KEL: variants seen among roughly 807,000 people sequenced by gnomAD.
The protein encoded by KEL is kell blood group glycoprotein.
KEL carries 96 observed loss-of-function variants against 99.5 expected under a neutral mutation model. The observed-to-expected ratio is 0.97, with a 90% confidence interval of 0.82 to 1.14. The LOEUF is 1.14. Among genes scored for constraint, KEL ranks in the 50% most tolerant of loss-of-function variants. The pLI is 0.00. For missense variants in KEL, 926 were observed against 924.2 expected (o/e 1.00, Z -0.03); for synonymous variants, 355 against 354.8 (o/e 1.00, Z -0.01).
intron 6 of KEL, among the ~76,000 whole-genome samples, chr7:142,954,767 C>T (rs964403860): frequency 1.3e-5 from 2 of 152,080 alleles, no homozygotes; most frequent in Non-Finnish European, 2.9e-5. Context: ...GTGTGCCCAG[C>T]AAGGCAGAAG....
At chr7:142,946,178 G>C (rs1253459650) in intron 11 of KEL, 29 bp downstream of exon 11, 1 of 1,470,472 alleles carries the variant, frequency 6.8e-7, no homozygotes. Flanking sequence ...GGGGTGGAGG[G>C]ATGTGGGCTG....
rs1385399665 is a variant in KEL at position 142,944,658 on chromosome 7, G to A, written c.1398C>T (p.Asn466=). The A allele has an allele frequency of 6.2e-7, 1 of 1,613,836 alleles. No homozygotes were observed. The highest frequency in any genetic ancestry group is 1.1e-5 in the South Asian group (1 of 91,072). ...CTGGCCTGACCTTGTCCTGGGCCAT[G>A]TTCTGGGTCTCCTCATTCATCCAGG... ...NLPWMNEETQ[N]MAQDKVAQLQ... Residue 466 remains asparagine, a synonymous_variant, in exon 12 of 19, where the codon AAC becomes AAT. Transcript: ENST00000355265.
chr7:142,945,060 A>C (rs1218284285), intron 11 of KEL: 2 of 450,476 alleles, frequency 4.4e-6, no homozygotes, highest in Non-Finnish European at 8.2e-6. Context: ...CACCTCTCAG[A>C]AATCAGAGGG....
intron 2 of KEL, 102 bp downstream of exon 2, chr7:142,961,693 G>A: frequency 1.5e-6 from 2 of 1,296,444 alleles, no homozygotes; most frequent in Non-Finnish European, 2.2e-6. Context: ...ACTGTTTTGG[G>A]TGAGGATGAA....
chr7:142,954,605 C>T, intron 6 of KEL, 78 bp from the exon 7 acceptor site: 2 of 1,247,884 alleles, frequency 1.6e-6, no homozygotes, highest in Admixed American at 1.7e-5. Context: ...GGGGAATATA[C>T]CATGGGAGAT....
chr7:142,959,439 CAAGAAGGAAAAGACAGGGAAGAAAGG>C (rs1300590309), intron 4 of KEL, among the ~76,000 whole-genome samples: 1 of 151,462 alleles, frequency 6.6e-6, no homozygotes, highest in East Asian at 1.9e-4. Context: ...GGGAAGAAAC[CAAGAAGGAAAAGACAGGGAAGAAAGG>C]AGAAAGGTAG....
chr7:142,941,400 T>C lies in KEL; in HGVS notation c.2051A>G (p.Lys684Arg), dbSNP rs770370408. The change falls in exon 19 of 19, where the codon AAG becomes AGG. Residue 684 changes from lysine to arginine, a missense_variant. Coordinates refer to ENST00000355265, the MANE Select transcript of KEL (RefSeq NM_000420.3). ...GTCGTGAGAGTCCTGGGGGCTGGGC[T>C]TCCTACACATCACCTGAGCAGGAAG... ...FRSYAQVMCR[K>R]PSPQDSHDTH... is the part of the protein sequence containing the mutation. The C allele has an allele frequency of 1.9e-6, 3 of 1,600,998 alleles. No homozygotes were observed. The highest frequency in any genetic ancestry group is 2.6e-6 in the Non-Finnish European group (3 of 1,171,090).
intron 10 of KEL, 186 bp from the exon 11 acceptor site, chr7:142,946,503 C>G: frequency 1.6e-6 from 1 of 626,524 alleles, no homozygotes; most frequent in Admixed American, 2.5e-5. Flanking sequence ...ACAGCTTCCT[C>G]AGAGCTGGTC....
intron 11 of KEL, 186 bp from the exon 12 acceptor site, chr7:142,944,927 A>C: frequency 1.6e-6 from 1 of 642,588 alleles, no homozygotes; most frequent in South Asian, 1.8e-5. Flanking sequence ...GGCAGTGCCA[A>C]GCCCACAAAG....
At chr7:142,943,759 C>A (rs767539436) in intron 14 of KEL, 24 bp downstream of exon 14, 6 of 1,598,870 alleles carry the variant, frequency 3.8e-6, no homozygotes, top group Non-Finnish European at 1.7e-6. Context: ...GGATGGAGTG[C>A]CTGTGTCTCC....
chr7:142,952,406 C>T, intron 10 of KEL, 103 bp downstream of exon 10: 27 of 1,437,610 alleles, frequency 1.9e-5, no homozygotes, highest in Non-Finnish European at 2.5e-5. Context: ...GGGCATCTAC[C>T]ATCACGGCCC....
rs1796965910 is a variant in KEL at position 142,961,799 on chromosome 7, T to A, written c.77A>T (p.Gln26Leu). ...QAGGMGTLWS[Q>L]ESTPEERLPV... ...CCAGGAGAGGAGGCCACTTACCTCT[T>A]GGCTCCAGAGAGTTCCCATTCCACC... Residue 26 changes from glutamine to leucine, a missense_variant, in exon 2 of 19, where the codon CAA (glutamine) becomes CTA (leucine). Physicochemically the swap from Gln to Leu is moderately radical, Grantham distance 113 (BLOSUM62 -2). Coordinates refer to ENST00000355265, the MANE Select transcript of KEL (RefSeq NM_000420.3). 4 of 1,613,744 alleles carry A rather than the reference T, an allele frequency of 2.5e-6. No homozygotes were observed. In the South Asian group the frequency reaches 4.4e-5, roughly 18 times the overall value.
At chr7:142,942,203 T>G (rs963625641) in intron 18 of KEL, 1 of 581,598 alleles carries the variant, frequency 1.7e-6, no homozygotes, top group African/African-American at 1.9e-5. Context: ...AATAGAGTTT[T>G]TTCTACCTTT....
rs867523165 is a variant in KEL at position 142,962,280 on chromosome 7, G to A, written c.-74C>T. The A allele has an allele frequency of 1.3e-6, 2 of 1,550,582 alleles. No individual in the cohort carries two copies. Among genetic ancestry groups the A allele is most frequent in the Non-Finnish European group, 1.8e-6 (2 of 1,122,278 alleles). On this transcript the variant is annotated 5_prime_UTR_variant, in exon 1 of 19. Coordinates refer to ENST00000355265, the MANE Select transcript of KEL (RefSeq NM_000420.3). Reference sequence around the variant, plus strand: ...GCTGATTCGGAGGACTGGGGTCCAGGAAACACCCCCCGCCCCAGTTCCTTG... The same window carrying A: ...GCTGATTCGGAGGACTGGGGTCCAGAAAACACCCCCCGCCCCAGTTCCTTG...
In KEL at chr7:142,941,221, T is replaced by C; in HGVS notation, c.*31A>G. 1 of 1,612,804 alleles carries C rather than the reference T, an allele frequency of 6.2e-7. No individual in the cohort carries two copies. The highest frequency in any genetic ancestry group is 8.5e-7 in the Non-Finnish European group (1 of 1,178,828). On this transcript the variant is annotated 3_prime_UTR_variant, in exon 19 of 19. Coordinates refer to ENST00000355265, the MANE Select transcript of KEL (RefSeq NM_000420.3). ...GTGACCAGGGAGGTGTTGGTCGATA[T>C]TTCTGTGCTGTGGCATCTTTGGTAA...
Position 142,961,807 on chromosome 7 carries a change from G to A in KEL, c.69C>T (p.Leu23=). Residue 23 remains leucine, a synonymous_variant, in exon 2 of 19, where the codon CTC becomes CTT. Transcript: ENST00000355265. ...GGAGGCCACTTACCTCTTGGCTCCA[G>A]AGAGTTCCCATTCCACCTGCCTGGC... ...ERSQAGGMGT[L]WSQESTPEER... 6.2e-7 allele frequency: 1 copy of A among 1,614,010 alleles called. No individual in the cohort carries two copies. The highest frequency in any genetic ancestry group is 8.5e-7 in the Non-Finnish European group (1 of 1,179,914).
chr7:142,941,496 G>T, intron 18 of KEL, 83 bp from the exon 19 acceptor site: 1 of 1,334,126 alleles, frequency 7.5e-7, no homozygotes, highest in Non-Finnish European at 1.0e-6. Context: ...AGGGACAGCA[G>T]ACAAAGAGGG....
rs1335176899 is a variant in KEL, at chr7:142,944,347, C to A, written c.1467G>T (p.Glu489Asp). The A allele has an allele frequency of 1.2e-6, 2 of 1,613,984 alleles. No individual in the cohort carries two copies. Among genetic ancestry groups the A allele is most frequent in the Non-Finnish European group, 1.7e-6 (2 of 1,179,952 alleles). Residue 489 changes from glutamate (E) to aspartate (D), a missense_variant, in exon 13 of 19, where the codon GAG (glutamate) becomes GAT (aspartate). Coordinates refer to ENST00000355265, the MANE Select transcript of KEL (RefSeq NM_000420.3). Reference protein sequence around the residue: ...MGASEWALKPELARQEYNDIQ... With the variant: ...MGASEWALKPDLARQEYNDIQ... ...CATCGTTGTATTCTTGTCGGGCCAG[C>A]TCTGGCTTCAGGGCCCATTCTGAAG...
chr7:142,960,392 C>T (rs925106897), intron 4 of KEL, among the ~76,000 whole-genome samples: 7 of 152,122 alleles, frequency 4.6e-5, no homozygotes, highest in South Asian at 2.1e-4. Context: ...AGGGGAGCTC[C>T]GGCATGGTGA....
Sources: allele counts gnomAD v4.1 joint callset (sites outside exome capture counted in the v4.1 genomes callset), GRCh38; gene constraint gnomAD v4.1.1; transcripts MANE v1.5; gene names NCBI Gene and HGNC (gene_info 2026-07-23, HGNC 2026-07-21).